Variants in SUPT3H observed in about 807,000 individuals in gnomAD.
SUPT3H encodes transcription initiation protein SPT3 homolog.
In SUPT3H, 44 loss-of-function variants were observed where a neutral mutation model predicts 44.3. The ratio of observed to expected loss-of-function variants is 0.99; its 90% CI spans 0.78 to 1.28. The LOEUF (loss-of-function observed/expected upper bound fraction) is 1.28. Among genes scored for constraint, SUPT3H ranks in the 50% most tolerant of loss-of-function variants. SUPT3H has a pLI of 0.00. For synonymous variants in SUPT3H, 124 were observed against 125.6 expected (o/e 0.99, Z 0.09); for missense variants, 380 against 387.1 (o/e 0.98, Z 0.15).
intron 7 of SUPT3H, among the ~76,000 whole-genome samples, chr6:44,955,043 G>A (rs930611641): frequency 1.3e-5 from 2 of 152,184 alleles, no homozygotes; most frequent in Non-Finnish European, 2.9e-5. Context: ...GAAACATACA[G>A]AAACTATTGC....
chr6:45,372,023 T>C lies in SUPT3H; in HGVS notation c.-1+5745A>G, dbSNP rs965172192. The stretch of plus-strand genomic sequence containing the variant: ...TCTTTCTACTATACATCAAAGAATA[T>C]ACAAATAAAAGTTTATCATAACTAA... On this transcript the variant is annotated intron_variant, in intron 1 of 10. Coordinates refer to ENST00000371459, the MANE Select transcript of SUPT3H (RefSeq NM_003599.4). The C allele has an allele frequency of 8.4e-6, 8 of 957,108 alleles. No individual in the cohort carries two copies. In the African/African-American group the frequency reaches 8.8e-5, roughly 11 times the overall value. The allele number at this position is 957,108 out of a possible 1,614,324, so 59.3% of individuals were successfully genotyped here.
At chr6:45,086,105 C>T (rs894640951) in intron 3 of SUPT3H, among the ~76,000 whole-genome samples, 32 of 151,934 alleles carry the variant, frequency 2.1e-4, no homozygotes, top group African/African-American at 6.8e-4. Flanking sequence ...TAAAGTTAAG[C>T]ATAAATTAAA....
intron 2 of SUPT3H, among the ~76,000 whole-genome samples, chr6:45,176,304 A>C (rs1339588562): frequency 6.6e-6 from 1 of 151,670 alleles, no homozygotes; most frequent in Admixed American, 6.6e-5. Flanking sequence ...GAGTCAAAGA[A>C]AGGGGTGACG....
chr6:45,341,446 C>A (rs114193529), intron 2 of SUPT3H, among the ~76,000 whole-genome samples: 5,204 of 152,206 alleles, frequency 0.034, 134 homozygotes, highest in Admixed American at 0.072. Context: ...AGCAAACTAA[C>A]AACTTTTAAA....
At chr6:45,310,813 C>A (rs1302014435) in intron 2 of SUPT3H, among the ~76,000 whole-genome samples, 2 of 152,184 alleles carry the variant, frequency 1.3e-5, no homozygotes, top group Non-Finnish European at 2.9e-5. Flanking sequence ...TCTGACAGAG[C>A]CTACCCAAAT....
At chr6:44,997,714 A>G (rs1389268141) in intron 6 of SUPT3H, among the ~76,000 whole-genome samples, 1 of 151,874 alleles carries the variant, frequency 6.6e-6, no homozygotes, top group Admixed American at 6.6e-5. Flanking sequence ...AACAGTGGGC[A>G]TTCCAGAATT....
At chr6:45,078,052 C>T (rs138280198) in intron 3 of SUPT3H, among the ~76,000 whole-genome samples, 2,668 of 152,168 alleles carry the variant, frequency 0.018, 51 homozygotes, top group South Asian at 0.085. Flanking sequence ...TCAGTATTTT[C>T]AGTAGAGACA....
At chr6:44,927,457 T>C (rs1250898704) in intron 10 of SUPT3H, among the ~76,000 whole-genome samples, 1 of 152,224 alleles carries the variant, frequency 6.6e-6, no homozygotes, top group South Asian at 2.1e-4. Flanking sequence ...TCAACTTTGA[T>C]ATATTCATCA....
rs1195370147 is a variant in SUPT3H, at chr6:44,810,574, G to C, written c.*53-1073C>G. Reference sequence around the variant, plus strand: ...AAAAATATCACCCCAAAATGGATGTGTCATATAGGACTTAATAGCCTTTTA... The same window carrying C: ...AAAAATATCACCCCAAAATGGATGTCTCATATAGGACTTAATAGCCTTTTA... On this transcript the variant is annotated intron_variant and NMD_transcript_variant, in intron 11 of 11. Coordinates refer to the SUPT3H transcript ENST00000475057. Among the ~76,000 whole-genome samples the C allele has an allele frequency of 2.0e-5, 3 of 147,790 alleles. No individual in the cohort carries two copies. The East Asian group carries it at 6.0e-4, about 29-fold the overall frequency.
intron 2 of SUPT3H, among the ~76,000 whole-genome samples, chr6:45,115,058 T>C (rs975457670): frequency 2.0e-5 from 3 of 152,182 alleles, no homozygotes; most frequent in African/African-American, 7.2e-5. Flanking sequence ...TAACTTCCTA[T>C]AACATTGAAA....
At chr6:45,068,228 C>T (rs1158268227) in intron 3 of SUPT3H, among the ~76,000 whole-genome samples, 7 of 147,734 alleles carry the variant, frequency 4.7e-5, no homozygotes, top group East Asian at 4.0e-4. Flanking sequence ...AAACCAAACA[C>T]GGCATATTCT....
rs1165173153 is a variant in SUPT3H at position 45,340,753 on chromosome 6, T to TA, written c.101+24447dup. ...GTGATATAAAAATATAATTTAGGGGTAAAAAATTAAACACTTAAACACCAA... is the reference window on the plus strand; with the variant it reads ...GTGATATAAAAATATAATTTAGGGGTAAAAAAATTAAACACTTAAACACCAA... On this transcript the variant is annotated intron_variant, in intron 2 of 10. Coordinates refer to ENST00000371459, the MANE Select transcript of SUPT3H (RefSeq NM_003599.4). Among the ~76,000 whole-genome samples, 3 of 152,014 alleles carry TA rather than the reference T, an allele frequency of 2.0e-5. No homozygotes were observed. In the East Asian group the frequency reaches 5.8e-4, roughly 29 times the overall value.
chr6:45,185,991 G>A (rs570110198), intron 2 of SUPT3H, among the ~76,000 whole-genome samples: 1 of 152,308 alleles, frequency 6.6e-6, no homozygotes, highest in African/African-American at 2.4e-5. Context: ...TACTCCTGTA[G>A]CAGTGGGTTC....
intron 3 of SUPT3H, among the ~76,000 whole-genome samples, chr6:45,093,221 G>A (rs751112244): frequency 6.6e-6 from 1 of 152,016 alleles, no homozygotes; most frequent in Non-Finnish European, 1.5e-5. Flanking sequence ...AATAAAAGTT[G>A]CTAATTATAT....
rs558697019 is a variant in SUPT3H, at chr6:45,038,461, GTTTT to G, written c.187-17833_187-17830del. 6.3e-4 allele frequency among the ~76,000 whole-genome samples: 96 copies of G among 152,232 alleles called. No homozygotes were observed. In the Middle Eastern group the frequency reaches 0.01, roughly 16 times the overall value. On this transcript the variant is annotated intron_variant, in intron 3 of 10. Transcript: ENST00000371459. ...GCTATTCATATTGAGAGCTATTCATGTTTTTTGTTTTTACATCATTTGTCATAAT... is the reference window on the plus strand; with the variant it reads ...GCTATTCATATTGAGAGCTATTCATGTTGTTTTTACATCATTTGTCATAAT...
intron 2 of SUPT3H, among the ~76,000 whole-genome samples, chr6:45,212,348 T>G (rs1385630297): frequency 1.3e-5 from 2 of 152,136 alleles, no homozygotes; most frequent in Non-Finnish European, 2.9e-5. Context: ...TTGTTTAAAA[T>G]GAAAAATGTA....
chr6:44,954,676 T>A (rs1002268271), intron 7 of SUPT3H, 69 bp from the exon 8 acceptor site: 1 of 851,588 alleles, frequency 1.2e-6, no homozygotes, highest in Non-Finnish European at 1.9e-6. Flanking sequence ...CACATTACTA[T>A]CACAAAATTA....
intron 10 of SUPT3H, among the ~76,000 whole-genome samples, chr6:44,865,736 T>C (rs568541664): frequency 3.9e-5 from 6 of 152,172 alleles, no homozygotes; most frequent in East Asian, 3.9e-4. Context: ...CAAGATAAGA[T>C]TTGAGTGGGG....
rs115589669 is a variant in SUPT3H, at chr6:45,213,538, G to A, written c.102-107532C>T. Reference sequence around the variant, plus strand: ...GATAAATACTGTGTTGTAATATGTTGGAGAAACAAATATTTATAGCCACTG... The same window carrying A: ...GATAAATACTGTGTTGTAATATGTTAGAGAAACAAATATTTATAGCCACTG... On this transcript the variant is annotated intron_variant, in intron 2 of 10. Coordinates refer to ENST00000371459, the MANE Select transcript of SUPT3H (RefSeq NM_003599.4). Among the ~76,000 whole-genome samples, 388 of 151,878 alleles carry A rather than the reference G, an allele frequency of 2.6e-3. 3 individuals are homozygous for A. The highest frequency in any genetic ancestry group is 8.6e-3 in the African/African-American group (354 of 41,402).
Sources: gnomAD v4.1 joint callset for allele counts (sites outside exome capture counted in the v4.1 genomes callset) on GRCh38, gnomAD v4.1.1 for gene constraint, MANE v1.5 for transcripts, NCBI Gene and HGNC (gene_info 2026-07-23, HGNC 2026-07-21) for gene names.